Variants in GRID1 observed in about 807,000 individuals in gnomAD.
GRID1 encodes the protein glutamate ionotropic receptor delta type subunit 1, also known as glutamate receptor ionotropic, delta-1.
In GRID1, 28 loss-of-function variants were observed where a neutral mutation model predicts 98.0. The ratio of observed to expected loss-of-function variants is 0.29; its 90% CI spans 0.21 to 0.39. The LOEUF is 0.39. Among genes scored for constraint, GRID1 ranks in the 10% least tolerant of loss-of-function variants. The probability of loss-of-function intolerance (pLI) is 1.00; values close to 1 mark genes in which losing one functional copy is unlikely to be tolerated. For synonymous variants in GRID1, 553 were observed against 538.5 expected (o/e 1.03, Z -0.37); for missense variants, 1,111 against 1,340.5 (o/e 0.83, Z 2.67).
At chr10:86,351,573 C>T (rs1016632272) in intron 2 of GRID1, among the ~76,000 whole-genome samples, 3 of 152,188 alleles carry the variant, frequency 2.0e-5, no homozygotes, top group African/African-American at 4.8e-5. Context: ...GTGTACAGAC[C>T]GCATTTGGAG....
At chr10:85,946,918 T>C (rs536290508) in intron 4 of GRID1, among the ~76,000 whole-genome samples, 1 of 152,222 alleles carries the variant, frequency 6.6e-6, no homozygotes, top group South Asian at 2.1e-4. Context: ...TAAGCTCCAA[T>C]GGCTCACAAT....
chr10:86,221,947 C>G (rs1308588137), intron 2 of GRID1, among the ~76,000 whole-genome samples: 1 of 151,846 alleles, frequency 6.6e-6, no homozygotes, highest in Non-Finnish European at 1.5e-5. Context: ...GTAGGGAGGG[C>G]AGGGGGTGGG....
intron 4 of GRID1, among the ~76,000 whole-genome samples, chr10:86,098,791 T>C (rs994349140): frequency 2.0e-5 from 3 of 152,340 alleles, no homozygotes; most frequent in African/African-American, 7.2e-5. Flanking sequence ...AAGCTGCATT[T>C]CCTCTTGTGA....
chr10:85,639,676 C>A (rs774008176), intron 13 of GRID1, among the ~76,000 whole-genome samples: 6 of 152,150 alleles, frequency 3.9e-5, no homozygotes, highest in African/African-American at 7.2e-5. Context: ...GAGTTTGAGA[C>A]CAGCCTGGCC....
At chr10:86,286,553 C>T (rs186879667) in intron 2 of GRID1, among the ~76,000 whole-genome samples, 53 of 152,278 alleles carry the variant, frequency 3.5e-4, no homozygotes, top group Middle Eastern at 6.8e-3. Context: ...GTACAGGATG[C>T]GCTCCACAAA....
At chr10:86,002,978 TTGCAGAGCAAGGGA>T (rs1842818901) in intron 4 of GRID1, among the ~76,000 whole-genome samples, 1 of 152,232 alleles carries the variant, frequency 6.6e-6, no homozygotes, top group Non-Finnish European at 1.5e-5. Flanking sequence ...CTAACTCCGC[TTGCAGAGCAAGGGA>T]TGACTGTCCT....
chr10:86,006,849 A>G (rs1184235184), intron 4 of GRID1, among the ~76,000 whole-genome samples: 2 of 150,622 alleles, frequency 1.3e-5, no homozygotes, highest in African/African-American at 2.4e-5. Context: ...GGAACACAGG[A>G]TTCTCACTAT....
intron 4 of GRID1, among the ~76,000 whole-genome samples, chr10:86,103,154 A>T (rs1322233679): frequency 6.6e-6 from 1 of 152,146 alleles, no homozygotes; most frequent in African/African-American, 2.4e-5. Context: ...GGAAAGCAAG[A>T]GGACAAAGTC....
chr10:85,610,905 T>G (rs1179135833), intron 15 of GRID1, among the ~76,000 whole-genome samples: 1 of 152,254 alleles, frequency 6.6e-6, no homozygotes, highest in Non-Finnish European at 1.5e-5. Context: ...AGGCAGCTGC[T>G]GTGCTTTTCC....
chr10:85,661,406 A>G (rs1840964064), intron 12 of GRID1, among the ~76,000 whole-genome samples: 2 of 152,216 alleles, frequency 1.3e-5, no homozygotes, highest in African/African-American at 4.8e-5. Flanking sequence ...AAGCAGCATC[A>G]TGCACTTTTT....
intron 2 of GRID1, among the ~76,000 whole-genome samples, chr10:86,303,862 A>G (rs71471195): frequency 0.067 from 10,189 of 152,294 alleles, 501 homozygotes; most frequent in Middle Eastern, 0.12. Flanking sequence ...TTTTCTGGGC[A>G]CACCCTCTAA....
rs76098932 is a variant in GRID1, at chr10:85,976,074, C to T, written c.727-59835G>A. 1.4e-4 allele frequency among the ~76,000 whole-genome samples: 22 copies of T among 152,242 alleles called. 1 individual carries two copies. In the East Asian group the frequency reaches 4.3e-3, roughly 29 times the overall value. ...GTTGTCTAATAGATGCCAACACTTCCGTGATGTGTGCCTTGTCTTTCTTAC... is the reference window on the plus strand; with the variant it reads ...GTTGTCTAATAGATGCCAACACTTCTGTGATGTGTGCCTTGTCTTTCTTAC... On this transcript the variant is annotated intron_variant, in intron 4 of 15. Transcript: ENST00000327946.
chr10:85,725,308 C>T (rs1841749917), intron 10 of GRID1, among the ~76,000 whole-genome samples: 2 of 152,090 alleles, frequency 1.3e-5, no homozygotes, highest in Admixed American at 6.6e-5. Context: ...TTCTATCTTC[C>T]ACCACCCTTA....
intron 3 of GRID1, among the ~76,000 whole-genome samples, chr10:86,143,605 A>G (rs900951216): frequency 1.3e-5 from 2 of 152,064 alleles, no homozygotes; most frequent in Admixed American, 6.6e-5. Flanking sequence ...ACCATCACCA[A>G]TGCAGCTTCC....
chr10:86,139,190 G>A (rs1399871629), intron 3 of GRID1, among the ~76,000 whole-genome samples, 166 bp from the exon 4 acceptor site: 3 of 152,172 alleles, frequency 2.0e-5, no homozygotes, highest in Non-Finnish European at 4.4e-5. Context: ...GGACGCCGGC[G>A]TAGACCCAGC....
chr10:85,656,537 TA>T (rs1840896916), intron 12 of GRID1, among the ~76,000 whole-genome samples: 2 of 152,180 alleles, frequency 1.3e-5, no homozygotes, highest in African/African-American at 4.8e-5. Flanking sequence ...TTTGGATGGC[TA>T]ATAGATCTTC....
At chr10:86,257,744 T>C (rs1366864631) in intron 2 of GRID1, among the ~76,000 whole-genome samples, 1 of 152,118 alleles carries the variant, frequency 6.6e-6, no homozygotes, top group Non-Finnish European at 1.5e-5. Flanking sequence ...GAACTCATCA[T>C]GGGGCATGGC....
chr10:85,828,258 TAGC>T (rs1169389748), intron 8 of GRID1, among the ~76,000 whole-genome samples: 1 of 152,008 alleles, frequency 6.6e-6, no homozygotes, highest in Non-Finnish European at 1.5e-5. Flanking sequence ...ATATATAACA[TAGC>T]AGACAGAATC....
chr10:85,679,242 C>T (rs1841179843), intron 12 of GRID1, among the ~76,000 whole-genome samples: 1 of 152,212 alleles, frequency 6.6e-6, no homozygotes, highest in African/African-American at 2.4e-5. Context: ...TCCCAGGCTT[C>T]TGACCAAGCT....
Sources: allele counts gnomAD v4.1 joint callset (sites outside exome capture counted in the v4.1 genomes callset), GRCh38; gene constraint gnomAD v4.1.1; transcripts MANE v1.5; gene names NCBI Gene and HGNC (gene_info 2026-07-23, HGNC 2026-07-21).